Variants in IQANK1 observed in about 807,000 individuals in gnomAD.
The protein encoded by IQANK1 is IQ motif and ankyrin repeat containing 1, also known as IQ motif and ankyrin repeat domain-containing protein 1.
IQANK1 carries 30 observed loss-of-function variants against 22.6 expected under a neutral mutation model. The observed-to-expected ratio is 1.33, with a 90% CI of 0.99 to 1.80. The LOEUF (loss-of-function observed/expected upper bound fraction) is 1.80, where lower values mean the gene tolerates loss of function less well. Ranked by LOEUF, IQANK1 falls within the 40% of genes most tolerant of loss-of-function variation. The pLI is 0.00. For synonymous variants in IQANK1, 122 were observed against 99.6 expected, an observed-to-expected ratio of 1.23 and a Z score of -1.34; for missense variants, 275 against 235.2, an observed-to-expected ratio of 1.17 and a Z score of -1.11.
intron 3 of IQANK1, chr8:143,744,059 C>T (rs1462699936): frequency 1.5e-5 from 4 of 258,862 alleles, no homozygotes; most frequent in Non-Finnish European, 3.1e-5. Flanking sequence ...GTCTCGATCT[C>T]TTGACCTTGT....
intron 2 of IQANK1, 127 bp downstream of exon 2, chr8:143,736,065 C>G (rs1818729204): frequency 1.6e-6 from 1 of 635,136 alleles, no homozygotes; most frequent in Non-Finnish European, 2.9e-6. Flanking sequence ...TTTAGGGGAC[C>G]TCTGAGTTGG....
At chr8:143,734,352 A>C (rs1554625304) in intron 1 of IQANK1, 133 bp downstream of exon 1, 1 of 151,054 alleles carries the variant, frequency 6.6e-6, no homozygotes, top group African/African-American at 2.4e-5. Flanking sequence ...GACCCCGCCC[A>C]CACAGAGGAC....
intron 3 of IQANK1, among the ~76,000 whole-genome samples, chr8:143,754,454 T>C (rs1454739771): frequency 1.3e-5 from 2 of 152,144 alleles, no homozygotes; most frequent in African/African-American, 2.4e-5. Context: ...CAAGCTCCCA[T>C]GCTTGTTGAT....
chr8:143,740,968 AG>A (rs1360778653), intron 3 of IQANK1, among the ~76,000 whole-genome samples: 1 of 152,204 alleles, frequency 6.6e-6, no homozygotes, highest in African/African-American at 2.4e-5. Flanking sequence ...TATGAGAGGA[AG>A]CACGGAACAC....
intron 7 of IQANK1, among the ~76,000 whole-genome samples, chr8:143,775,106 T>C (rs1200424733): frequency 6.6e-6 from 1 of 152,110 alleles, no homozygotes; most frequent in Non-Finnish European, 1.5e-5. Context: ...GAGAAAATTG[T>C]AATGATACAC....
chr8:143,750,953 T>TGG (rs1181687960), intron 3 of IQANK1, among the ~76,000 whole-genome samples: 1 of 150,616 alleles, frequency 6.6e-6, no homozygotes, highest in African/African-American at 2.5e-5. Context: ...TTTGTGTGTG[T>TGG]GTGTGTGTGT....
rs1276917643 is a variant in IQANK1, at chr8:143,774,242, A to G, written c.789+1760A>G. 2.0e-5 allele frequency among the ~76,000 whole-genome samples: 3 copies of G among 152,200 alleles called. No individual in the cohort carries two copies. Among genetic ancestry groups the G allele is most frequent in the African/African-American group, 7.2e-5 (3 of 41,442 alleles). On this transcript the variant is annotated intron_variant, in intron 7 of 13. Coordinates refer to ENST00000527139, the MANE Select transcript of IQANK1 (RefSeq NM_001381874.1). This position sits in a 1 kb window ranked among gnomAD's most constrained non-coding sequence, Gnocchi z 4.2. ...CAGAATGTAAAATGTTTGCTTTGTA[A>G]AAGACCTGTCAAGAAGAAAAGAAGC...
At chr8:143,740,546 G>C (rs1007428450) in intron 3 of IQANK1, among the ~76,000 whole-genome samples, 1 of 152,246 alleles carries the variant, frequency 6.6e-6, no homozygotes, top group African/African-American at 2.4e-5. Context: ...CTGCCCTCCT[G>C]CTTCTGCGCT....
chr8:143,785,492 G>A (rs1349285355), intron 7 of IQANK1, among the ~76,000 whole-genome samples: 1 of 151,968 alleles, frequency 6.6e-6, no homozygotes, highest in African/African-American at 2.4e-5. Context: ...CTGACCTCAA[G>A]TAATTTGCCC....
At chr8:143,787,773 T>G (rs559762734) in intron 7 of IQANK1, among the ~76,000 whole-genome samples, 2 of 152,120 alleles carry the variant, frequency 1.3e-5, no homozygotes, top group Admixed American at 1.3e-4. Flanking sequence ...TCATCCTGTC[T>G]TCATCCTTCC....
intron 3 of IQANK1, among the ~76,000 whole-genome samples, chr8:143,760,891 G>C (rs1819382389): frequency 6.6e-6 from 1 of 152,216 alleles, no homozygotes; most frequent in Admixed American, 6.5e-5. Flanking sequence ...CGCGCAGGCG[G>C]GCCCGGGAGA....
At position 143,764,307 on chromosome 8, in the gene IQANK1, C is replaced by T. The variant is rs557465776; in HGVS notation, c.176-7181C>T. Reference sequence around the variant, plus strand: ...CAAATCATCCAATATTCCAGTATCCCAGTATTCAGAAATAACAAACGTGCA... The same window carrying T: ...CAAATCATCCAATATTCCAGTATCCTAGTATTCAGAAATAACAAACGTGCA... On this transcript the variant is annotated intron_variant, in intron 3 of 13. Coordinates refer to ENST00000527139, the MANE Select transcript of IQANK1 (RefSeq NM_001381874.1). Among the ~76,000 whole-genome samples, 31 of 152,236 alleles carry T rather than the reference C, an allele frequency of 2.0e-4. 1 individual carries two copies. The highest frequency in any genetic ancestry group is 7.0e-4 in the African/African-American group (29 of 41,524).
chr8:143,736,076 G>A lies in IQANK1; in HGVS notation c.85+138G>A, dbSNP rs782724424. On this transcript the variant is annotated intron_variant, in intron 2 of 13. Coordinates refer to ENST00000527139, the MANE Select transcript of IQANK1 (RefSeq NM_001381874.1). The stretch of plus-strand genomic sequence containing the variant: ...GGCTTTTAGGGGACCTCTGAGTTGG[G>A]ATTAGGTGTGATTGACTGAGGGTTC... 5.2e-4 allele frequency: 323 copies of A among 616,266 alleles called. 1 individual carries two copies. The highest frequency in any genetic ancestry group is 8.5e-4 in the Non-Finnish European group (291 of 341,104). 38.2% of individuals were successfully genotyped at this position (616,266 alleles called of 1,614,324 possible).
At chr8:143,739,518 CAG>C (rs1179350693) in intron 2 of IQANK1, 3 of 260,558 alleles carry the variant, frequency 1.2e-5, no homozygotes, top group South Asian at 1.0e-4. Flanking sequence ...GGGACAGTGT[CAG>C]GGGTGGGGCA....
intron 2 of IQANK1, chr8:143,739,507 G>A (rs1422714360): frequency 8.2e-6 from 2 of 242,546 alleles, no homozygotes; most frequent in Non-Finnish European, 1.6e-5. Context: ...GCACAAGGTG[G>A]GGGACAGTGT....
chr8:143,770,337 T>C (rs1554629621), intron 3 of IQANK1, among the ~76,000 whole-genome samples: 1 of 152,230 alleles, frequency 6.6e-6, no homozygotes, highest in Non-Finnish European at 1.5e-5. Flanking sequence ...TGTCAGTCTC[T>C]GCATCCTAGA....
chr8:143,778,417 T>C (rs1819732398), intron 7 of IQANK1, among the ~76,000 whole-genome samples: 1 of 152,190 alleles, frequency 6.6e-6, no homozygotes, highest in African/African-American at 2.4e-5. Flanking sequence ...AAAAGAATCA[T>C]TTAGTAATGA....
At chr8:143,746,256 C>T (rs1472393615) in intron 3 of IQANK1, 3 of 152,370 alleles carry the variant, frequency 2.0e-5, no homozygotes, top group Non-Finnish European at 1.5e-5. Flanking sequence ...AAAAATCCTT[C>T]AGCCTTTTAC....
chr8:143,746,276 T>G (rs1247012550), intron 3 of IQANK1: 3 of 152,230 alleles, frequency 2.0e-5, no homozygotes, highest in African/African-American at 4.8e-5. Flanking sequence ...CCATTGAGGA[T>G]GATGTTTGCT....
Sources: allele counts gnomAD v4.1 joint callset (sites outside exome capture counted in the v4.1 genomes callset), GRCh38; gene constraint gnomAD v4.1.1; non-coding constraint Gnocchi (gnomAD v3.1); transcripts MANE v1.5; gene names NCBI Gene and HGNC (gene_info 2026-07-23, HGNC 2026-07-21).